LRRK1: variants seen among roughly 807,000 people sequenced by gnomAD.
LRRK1 encodes leucine-rich repeat serine/threonine-protein kinase 1.
LRRK1 carries 113 observed loss-of-function variants against 209.1 expected under a neutral mutation model. That is an observed-to-expected ratio of 0.54 (90% CI 0.46 to 0.63). LRRK1 has a LOEUF of 0.63. Ranked by LOEUF, LRRK1 falls within the 30% of genes least tolerant of loss-of-function variation. LRRK1 has a pLI of 0.00. For missense variants in LRRK1, 2,284 were observed against 2,632.2 expected, an observed-to-expected ratio of 0.87 and a Z score of 2.89; for synonymous variants, 1,144 against 1,099.7, an observed-to-expected ratio of 1.04 and a Z score of -0.80.
At chr15:100,986,716 A>C (rs2031894701) in intron 4 of LRRK1, among the ~76,000 whole-genome samples, 1 of 152,256 alleles carries the variant, frequency 6.6e-6, no homozygotes, top group East Asian at 1.9e-4. Context: ...TTCAGGGAAC[A>C]TCAAGCCAGC....
At chr15:100,980,933 TTCTGCAGG>T in intron 3 of LRRK1, among the ~76,000 whole-genome samples, 1 of 152,324 alleles carries the variant, frequency 6.6e-6, no homozygotes, top group South Asian at 2.1e-4. Flanking sequence ...ATTTGCATTT[TTCTGCAGG>T]TGTGCAGGTG....
At chr15:101,066,236 G>C in intron 32 of LRRK1, 31 bp downstream of exon 32, 1 of 1,572,474 alleles carries the variant, frequency 6.4e-7, no homozygotes, top group Non-Finnish European at 8.6e-7. Flanking sequence ...GCACCATCCA[G>C]GGCACGCCCA....
intron 1 of LRRK1, among the ~76,000 whole-genome samples, chr15:100,922,984 C>T (rs2042046294): frequency 6.6e-6 from 1 of 152,198 alleles, no homozygotes; most frequent in Non-Finnish European, 1.5e-5. Context: ...TGTCCTGTAC[C>T]TTACTTCGTG....
chr15:101,040,105 C>G (rs1347531599), intron 20 of LRRK1, among the ~76,000 whole-genome samples: 1 of 152,110 alleles, frequency 6.6e-6, no homozygotes, highest in Non-Finnish European at 1.5e-5. Flanking sequence ...TTTTTTCCTT[C>G]TCTATTTTCT....
At chr15:101,020,100 T>C (rs2033709492) in intron 12 of LRRK1, among the ~76,000 whole-genome samples, 1 of 152,236 alleles carries the variant, frequency 6.6e-6, no homozygotes, top group Admixed American at 6.5e-5. Flanking sequence ...AACGCATGTA[T>C]ATTTTAAAAC....
At position 101,068,972 on chromosome 15, in the gene LRRK1, T is replaced by C; in HGVS notation, c.*124T>C. 1 of 962,702 alleles carries C rather than the reference T, an allele frequency of 1.0e-6. No individual in the cohort carries two copies. Among genetic ancestry groups the C allele is most frequent in the Non-Finnish European group, 1.5e-6 (1 of 674,654 alleles). The allele number at this position is 962,702 out of a possible 1,614,324, so 59.6% of individuals were successfully genotyped here. ...CAGATGGAGTTCTCCCCTGAACTCC[T>C]TGCTGCTAAGAAGTGCTGAGAAGTT... is the stretch of plus-strand genomic sequence containing the variant. On this transcript the variant is annotated 3_prime_UTR_variant, in exon 34 of 34. Transcript: ENST00000388948.
intron 31 of LRRK1, 39 bp downstream of exon 31, chr15:101,062,729 GC>G: frequency 2.1e-6 from 3 of 1,426,642 alleles, no homozygotes; most frequent in Non-Finnish European, 3.0e-6. Context: ...GGTCTCTGAT[GC>G]ACTTCCACGC....
In LRRK1 at chr15:101,058,787, T is replaced by TAA. The variant is rs113354333; in HGVS notation, c.4679+655_4679+656dup. ...AAAGGATCCTAGGTATTGCCAGAGT[T>TAA]AAAAAAAAAACTCAAGAGTTATGGT... is the stretch of plus-strand genomic sequence containing the variant. On this transcript the variant is annotated intron_variant, in intron 29 of 33. Transcript: ENST00000388948. 3.0e-4 allele frequency among the ~76,000 whole-genome samples: 44 copies of TAA among 147,858 alleles called. No individual in the cohort carries two copies. The East Asian group carries it at 3.8e-3, about 13-fold the overall frequency.
In LRRK1 at chr15:101,027,081, T is replaced by C. The variant is rs2034064721; in HGVS notation, c.2406-180T>C. Among the ~76,000 whole-genome samples, 2 of 152,102 alleles carry C rather than the reference T, an allele frequency of 1.3e-5. No individual in the cohort carries two copies. Among genetic ancestry groups the C allele is most frequent in the South Asian group, 4.1e-4 (2 of 4,822 alleles). On this transcript the variant is annotated intron_variant, in intron 17 of 33. Transcript: ENST00000388948. This position sits in a 1 kb window ranked among gnomAD's most constrained non-coding sequence, Gnocchi z 5.1. ...GGGAAGACAGACTAAAGCGACACAG[T>C]GTGGGGCACCCAGCACAGTGATTTG...
Position 101,022,672 on chromosome 15 carries a change from G to C in LRRK1, c.2067+75G>C, listed in dbSNP as rs570401147. 1 of 1,086,882 alleles carries C rather than the reference G, an allele frequency of 9.2e-7. No individual in the cohort carries two copies. The highest frequency in any genetic ancestry group is 1.5e-5 in the African/African-American group (1 of 64,712). The allele number at this position is 1,086,882 out of a possible 1,614,324, so 67.3% of individuals were successfully genotyped here. ...TTGGACTCCTTCTCCCTTCTCCCCAGAGAGCCCAGGATTTTCTCAGCCTGG... is the reference window on the plus strand; with the variant it reads ...TTGGACTCCTTCTCCCTTCTCCCCACAGAGCCCAGGATTTTCTCAGCCTGG... On this transcript the variant is annotated intron_variant, in intron 15 of 33. Transcript: ENST00000388948. This position sits in a 1 kb window ranked among gnomAD's most constrained non-coding sequence, Gnocchi z 4.0.
intron 2 of LRRK1, among the ~76,000 whole-genome samples, chr15:100,941,702 G>T (rs538293309): frequency 6.6e-6 from 1 of 152,306 alleles, no homozygotes; most frequent in African/African-American, 2.4e-5. Context: ...GAAGAGGAGG[G>T]CCAGGGGACT....
At chr15:101,017,648 A>C (rs560979849) in intron 12 of LRRK1, among the ~76,000 whole-genome samples, 4 of 152,150 alleles carry the variant, frequency 2.6e-5, no homozygotes, top group Admixed American at 6.5e-5. Flanking sequence ...ATGAGAATCT[A>C]ACGCCTGATG....
At chr15:101,052,100 C>G (rs1471883486) in intron 24 of LRRK1, 140 bp downstream of exon 24, 1 of 994,328 alleles carries the variant, frequency 1.0e-6, no homozygotes, top group Non-Finnish European at 1.5e-6. Context: ...AATCTCAGTA[C>G]CTTTTAGGTT....
At position 101,055,096 on chromosome 15, in the gene LRRK1, A is replaced by C. The variant is rs1232673293; in HGVS notation, c.4205A>C (p.His1402Pro). The C allele has an allele frequency of 6.2e-7, 1 of 1,614,154 alleles. No individual in the cohort carries two copies. The highest frequency in any genetic ancestry group is 2.2e-5 in the East Asian group (1 of 44,872). ...ILVWSLDVKEHINIKLSDYGI... is the reference protein window; with the variant it reads ...ILVWSLDVKEPINIKLSDYGI... ...GTGTGGTCCCTTGACGTCAAGGAGC[A>C]CATCAACATCAAGCTATCTGACTAC... Residue 1402 changes from histidine to proline, a missense_variant, in exon 27 of 34, where the codon CAC becomes CCC. Physicochemically the swap from His to Pro is moderately conservative, Grantham distance 77. Around this residue, in one of 6 missense-constraint regions of LRRK1, gnomAD observed 780 missense variants for 985.2 expected, o/e 0.79. Transcript: ENST00000388948.
chr15:101,042,391 CT>C (rs1421685685), intron 20 of LRRK1, among the ~76,000 whole-genome samples: 1 of 152,184 alleles, frequency 6.6e-6, no homozygotes, highest in Non-Finnish European at 1.5e-5. Context: ...TTCGTCACCC[CT>C]GACCCCTCGC....
intron 2 of LRRK1, among the ~76,000 whole-genome samples, chr15:100,954,881 A>T (rs952815234): frequency 5.9e-5 from 9 of 152,230 alleles, no homozygotes; most frequent in African/African-American, 2.2e-4. Context: ...ACCAATGCAT[A>T]CAATTAGAAC....
chr15:100,944,141 T>C (rs2042495026), intron 2 of LRRK1, among the ~76,000 whole-genome samples: 1 of 152,132 alleles, frequency 6.6e-6, no homozygotes, highest in African/African-American at 2.4e-5. Flanking sequence ...TGCTGAGGAA[T>C]CATGGAGCTT....
intron 2 of LRRK1, among the ~76,000 whole-genome samples, chr15:100,948,456 G>A (rs968053305): frequency 2.0e-5 from 3 of 152,180 alleles, no homozygotes; most frequent in African/African-American, 7.2e-5. Context: ...GTACCATTTT[G>A]CATTCTCTCC....
At chr15:101,046,242 G>T in intron 21 of LRRK1, 90 bp downstream of exon 21, 4 of 1,373,968 alleles carry the variant, frequency 2.9e-6, no homozygotes, top group Non-Finnish European at 4.0e-6. Flanking sequence ...TTGCTGGGGG[G>T]CCCTGCCTGG....
Sources: gnomAD v4.1 joint callset for allele counts (sites outside exome capture counted in the v4.1 genomes callset) on GRCh38, gnomAD v4.1.1 for gene constraint, gnomAD v4.1.1 regional missense constraint, Gnocchi (gnomAD v3.1) non-coding constraint, MANE v1.5 for transcripts, NCBI Gene and HGNC (gene_info 2026-07-23, HGNC 2026-07-21) for gene names.